PPFIA1: variants seen among roughly 807,000 people sequenced by gnomAD.
PPFIA1 encodes the protein liprin-alpha-1.
PPFIA1 carries 25 observed loss-of-function variants against 149.9 expected under a neutral mutation model. That is an observed-to-expected ratio of 0.17 (90% CI 0.12 to 0.23). The LOEUF is 0.23. PPFIA1 is among the 10% of genes least tolerant of loss of function. The pLI is 1.00. For synonymous variants in PPFIA1, 549 were observed against 552.8 expected, an observed-to-expected ratio of 0.99 and a Z score of 0.10; for missense variants, 1,362 against 1,506.5, an observed-to-expected ratio of 0.90 and a Z score of 1.59.
Position 70,330,318 on chromosome 11 carries a change from A to T in PPFIA1, c.1076A>T (p.Gln359Leu). The T allele has an allele frequency of 6.4e-7, 1 of 1,573,604 alleles. No individual in the cohort carries two copies. Among genetic ancestry groups the T allele is most frequent in the African/African-American group, 1.4e-5 (1 of 72,730 alleles). The change falls in exon 8 of 28, where the codon CAG (glutamine) becomes CTG (leucine). Residue 359 changes from glutamine (Q) to leucine (L), a missense_variant and splice_region_variant. This residue lies in a region of PPFIA1 where 733 missense variants were observed against 744.1 expected (regional missense o/e 0.99). Coordinates refer to ENST00000253925, the MANE Select transcript of PPFIA1 (RefSeq NM_003626.5). ...GCAAATAAAGATTCTATGCATCGACAGGTAATGGATTTTATCGACCTTTGT... is the reference window on the plus strand; with the variant it reads ...GCAAATAAAGATTCTATGCATCGACTGGTAATGGATTTTATCGACCTTTGT... The part of the protein sequence containing the change: ...EIANKDSMHR[Q>L]TEDKNRQLQE...
chr11:70,320,855 G>T (rs1029468488), intron 2 of PPFIA1, among the ~76,000 whole-genome samples: 1 of 152,154 alleles, frequency 6.6e-6, no homozygotes, highest in Admixed American at 6.5e-5. Flanking sequence ...GCAAGGCCTG[G>T]GATGAGCCAT....
chr11:70,319,266 T>C (rs542599952), intron 2 of PPFIA1, among the ~76,000 whole-genome samples: 1 of 152,300 alleles, frequency 6.6e-6, no homozygotes, highest in South Asian at 2.1e-4. Flanking sequence ...GAGTCCCTGC[T>C]TCTCACCACC....
chr11:70,298,552 G>A (rs2052252354), intron 2 of PPFIA1, among the ~76,000 whole-genome samples: 1 of 152,172 alleles, frequency 6.6e-6, no homozygotes, highest in South Asian at 2.1e-4. Flanking sequence ...AGGCCCAGGT[G>A]CTGCCAGGAA....
chr11:70,369,168 T>TA (rs2057104798), intron 21 of PPFIA1, among the ~76,000 whole-genome samples: 2 of 152,312 alleles, frequency 1.3e-5, no homozygotes, highest in African/African-American at 4.8e-5. Flanking sequence ...GCACTTTTCT[T>TA]ACATTTCCGG....
intron 5 of PPFIA1, 40 bp downstream of exon 5, chr11:70,325,614 G>GC (rs749730398): frequency 7.1e-7 from 1 of 1,405,110 alleles, no homozygotes; most frequent in East Asian, 2.3e-5. Flanking sequence ...TTGGGGGGGG[G>GC]TTATTTTTAT....
At chr11:70,294,977 A>G (rs568061058) in intron 2 of PPFIA1, among the ~76,000 whole-genome samples, 1 of 152,222 alleles carries the variant, frequency 6.6e-6, no homozygotes, top group East Asian at 1.9e-4. Context: ...CATGGCAACC[A>G]TCCGATTTCT....
intron 15 of PPFIA1, among the ~76,000 whole-genome samples, chr11:70,345,612 G>A (rs577687567): frequency 1.3e-5 from 2 of 152,020 alleles, no homozygotes; most frequent in South Asian, 4.2e-4. Context: ...ATTGAGCCAG[G>A]GCTGTGTTCA....
chr11:70,333,067 C>G (rs984509251), intron 9 of PPFIA1: 4 of 459,698 alleles, frequency 8.7e-6, no homozygotes, highest in Non-Finnish European at 1.7e-5. Flanking sequence ...GGAAGCTAAA[C>G]TGTTGGAACT....
intron 19 of PPFIA1, among the ~76,000 whole-genome samples, chr11:70,359,458 T>TGTG (rs770222814): frequency 7.2e-5 from 11 of 152,142 alleles, no homozygotes; most frequent in Non-Finnish European, 1.5e-4. Flanking sequence ...GAACTGTACT[T>TGTG]GTGGTGGTGG....
intron 2 of PPFIA1, among the ~76,000 whole-genome samples, chr11:70,283,153 C>CTT (rs556952303): frequency 4.2e-5 from 6 of 142,512 alleles, no homozygotes; most frequent in African/African-American, 1.0e-4. Context: ...TGACCGAGTG[C>CTT]TTTTTTTTTT....
At chr11:70,294,716 G>C (rs1265827212) in intron 2 of PPFIA1, among the ~76,000 whole-genome samples, 5 of 151,860 alleles carry the variant, frequency 3.3e-5, no homozygotes, top group Non-Finnish European at 7.4e-5. Context: ...CGCAGTGTTT[G>C]TGTCCCTGGG....
At chr11:70,347,300 C>T (rs2055763800) in intron 15 of PPFIA1, among the ~76,000 whole-genome samples, 4 of 152,168 alleles carry the variant, frequency 2.6e-5, no homozygotes, top group African/African-American at 9.7e-5. Flanking sequence ...ATCCAGCCTT[C>T]TCCAGAATTT....
intron 2 of PPFIA1, among the ~76,000 whole-genome samples, chr11:70,298,010 G>A (rs980547823): frequency 2.0e-5 from 3 of 152,186 alleles, no homozygotes; most frequent in Admixed American, 2.0e-4. Context: ...CATGGTGGTG[G>A]TAATGCTCCT....
intron 2 of PPFIA1, chr11:70,284,155 T>C (rs2050948759): frequency 2.3e-6 from 1 of 425,918 alleles, no homozygotes; most frequent in Admixed American, 2.9e-5. Flanking sequence ...TGGAATAAGG[T>C]AAAACTAGCT....
At chr11:70,300,129 C>T (rs1023754234) in intron 2 of PPFIA1, among the ~76,000 whole-genome samples, 2 of 151,766 alleles carry the variant, frequency 1.3e-5, no homozygotes, top group Non-Finnish European at 2.9e-5. Context: ...ACAGATCTCC[C>T]TCCATCACTG....
intron 21 of PPFIA1, chr11:70,364,551 A>T (rs982325845): frequency 2.6e-5 from 4 of 152,190 alleles, no homozygotes. Flanking sequence ...CTTACAAAAA[A>T]AGTTTTGAGG....
intron 2 of PPFIA1, among the ~76,000 whole-genome samples, chr11:70,293,940 CTCTT>C (rs1185008639): frequency 4.3e-5 from 5 of 117,066 alleles, no homozygotes; most frequent in East Asian, 2.3e-4. Context: ...CTCTCTCTCT[CTCTT>C]TTTTTTTTTT....
intron 2 of PPFIA1, among the ~76,000 whole-genome samples, chr11:70,312,766 T>G (rs1378234079): frequency 6.6e-6 from 1 of 152,230 alleles, no homozygotes; most frequent in Non-Finnish European, 1.5e-5. Context: ...TGCCATCATC[T>G]GGGCTGCGGA....
At chr11:70,272,049 G>C in intron 1 of PPFIA1, 124 bp from the exon 2 acceptor site, 1 of 1,087,384 alleles carries the variant, frequency 9.2e-7, no homozygotes, top group Non-Finnish European at 1.3e-6. Context: ...TACACACAAA[G>C]CATAACAGAT....
Sources: gnomAD v4.1 joint callset for allele counts (sites outside exome capture counted in the v4.1 genomes callset) on GRCh38, gnomAD v4.1.1 for gene constraint, gnomAD v4.1.1 regional missense constraint, MANE v1.5 for transcripts, NCBI Gene and HGNC (gene_info 2026-07-23, HGNC 2026-07-21) for gene names.